MAPK10: variants seen among roughly 807,000 people sequenced by gnomAD.
MAPK10 encodes JNK3 alpha protein kinase.
MAPK10 carries 25 observed loss-of-function variants against 59.3 expected under a neutral mutation model. That is an observed-to-expected ratio of 0.42 (90% CI 0.31 to 0.59). The LOEUF (loss-of-function observed/expected upper bound fraction) is 0.59, where lower values mean the gene tolerates loss of function less well. Ranked by LOEUF, MAPK10 falls within the 20% of genes least tolerant of loss-of-function variation. MAPK10 has a pLI of 0.15. For missense variants in MAPK10, 351 were observed against 568.9 expected, an observed-to-expected ratio of 0.62 and a Z score of 3.90; for synonymous variants, 190 against 200.5, an observed-to-expected ratio of 0.95 and a Z score of 0.44.
chr4:86,592,519 A>G (rs1488334620), intron 1 of MAPK10, among the ~76,000 whole-genome samples: 2 of 152,250 alleles, frequency 1.3e-5, no homozygotes, highest in African/African-American at 4.8e-5. Context: ...TTTTCTTTCC[A>G]ATAAATACAT....
intron 1 of MAPK10, among the ~76,000 whole-genome samples, chr4:86,407,101 C>T (rs1412566635): frequency 2.6e-5 from 4 of 152,172 alleles, no homozygotes; most frequent in African/African-American, 9.7e-5. Flanking sequence ...ATCTGCCATA[C>T]AAGGTCATTC....
intron 9 of MAPK10, chr4:86,089,249 C>G: frequency 6.2e-7 from 1 of 1,612,882 alleles, no homozygotes; most frequent in Non-Finnish European, 8.5e-7. Context: ...TCATTTCTCC[C>G]ATGATGCACC....
intron 2 of MAPK10, among the ~76,000 whole-genome samples, chr4:86,343,063 CG>C (rs1725989148): frequency 6.6e-6 from 1 of 152,144 alleles, no homozygotes; most frequent in Non-Finnish European, 1.5e-5. Flanking sequence ...GCATAAGCCA[CG>C]CAAGCCTAAA....
At chr4:86,054,016 A>T (rs2044063846) in intron 11 of MAPK10, among the ~76,000 whole-genome samples, 1 of 152,168 alleles carries the variant, frequency 6.6e-6, no homozygotes, top group Non-Finnish European at 1.5e-5. Context: ...GATTAATAGC[A>T]CTCATGGTCT....
intron 1 of MAPK10, among the ~76,000 whole-genome samples, chr4:86,580,298 A>G (rs1762173423): frequency 6.6e-6 from 1 of 152,090 alleles, no homozygotes; most frequent in Non-Finnish European, 1.5e-5. Flanking sequence ...CAGGAGTTTG[A>G]GATCAGCCTG....
chr4:86,211,243 T>A (rs1421432595), intron 2 of MAPK10, among the ~76,000 whole-genome samples: 5 of 151,962 alleles, frequency 3.3e-5, no homozygotes, highest in Non-Finnish European at 5.9e-5. Flanking sequence ...AAATGCCAAG[T>A]TGGATGAATC....
At chr4:86,127,240 G>C (rs1337676963) in intron 4 of MAPK10, among the ~76,000 whole-genome samples, 1 of 147,262 alleles carries the variant, frequency 6.8e-6, no homozygotes, top group East Asian at 2.0e-4. Flanking sequence ...CTACTTGACT[G>C]TAAGCCCCAT....
chr4:86,355,070 A>C (rs192516944), intron 1 of MAPK10, among the ~76,000 whole-genome samples: 4 of 152,272 alleles, frequency 2.6e-5, no homozygotes, highest in Admixed American at 2.6e-4. Context: ...AAACCTCTGA[A>C]GTATGCAAAA....
At chr4:86,475,702 G>A (rs1392206192) in intron 1 of MAPK10, among the ~76,000 whole-genome samples, 3 of 151,998 alleles carry the variant, frequency 2.0e-5, no homozygotes, top group African/African-American at 4.8e-5. Context: ...TTTCTGGGGG[G>A]CAAGAACCTC....
chr4:86,018,020 G>C (rs1036530666), intron 13 of MAPK10, among the ~76,000 whole-genome samples: 1 of 152,094 alleles, frequency 6.6e-6, no homozygotes, highest in South Asian at 2.1e-4. Context: ...CACGCCCCGC[G>C]GGCATTTGCA....
chr4:86,332,634 A>T (rs1309118606), intron 2 of MAPK10: 2 of 152,192 alleles, frequency 1.3e-5, no homozygotes, highest in African/African-American at 4.8e-5. Context: ...CCCACAGAGA[A>T]ATAGGCCATT....
intron 2 of MAPK10, among the ~76,000 whole-genome samples, chr4:86,319,278 C>T (rs555371287): frequency 6.6e-6 from 1 of 151,954 alleles, no homozygotes; most frequent in East Asian, 1.9e-4. Context: ...CGTGCCGGGG[C>T]CAGAAGTGAA....
At chr4:86,562,399 T>C (rs747166900) in intron 1 of MAPK10, among the ~76,000 whole-genome samples, 1 of 152,150 alleles carries the variant, frequency 6.6e-6, no homozygotes, top group African/African-American at 2.4e-5. Flanking sequence ...CAATTTTACA[T>C]GCTGCTAGGC....
intron 1 of MAPK10, chr4:86,358,414 T>C: frequency 1.0e-6 from 1 of 974,774 alleles, no homozygotes; most frequent in Non-Finnish European, 1.2e-6. Context: ...CTATCCCATA[T>C]GACTTAGCCT....
At chr4:86,481,415 T>G (rs1579356945) in intron 1 of MAPK10, among the ~76,000 whole-genome samples, 1 of 147,630 alleles carries the variant, frequency 6.8e-6, no homozygotes. Flanking sequence ...TAACTGAAAG[T>G]TGTGAAAGTG....
intron 1 of MAPK10, chr4:86,358,900 A>G (rs1430370159): frequency 6.6e-6 from 1 of 152,114 alleles, no homozygotes; most frequent in African/African-American, 2.4e-5. Context: ...AAAAAAAGAA[A>G]GCTGACTGCT....
chr4:86,026,866 C>T (rs886307891), intron 13 of MAPK10: 46 of 152,240 alleles, frequency 3.0e-4, no homozygotes, highest in African/African-American at 1.1e-3. Context: ...CACAGTGGTG[C>T]GCCAATAAAA....
intron 1 of MAPK10, among the ~76,000 whole-genome samples, chr4:86,423,794 T>TATATATATATAC (rs1746886471): frequency 6.8e-6 from 1 of 146,978 alleles, no homozygotes; most frequent in African/African-American, 2.5e-5. Context: ...TATATATATA[T>TATATATATATAC]ATGTTTAGGA....
intron 2 of MAPK10, among the ~76,000 whole-genome samples, chr4:86,279,186 A>G (rs1442305919): frequency 6.6e-6 from 1 of 152,208 alleles, no homozygotes; most frequent in East Asian, 1.9e-4. Context: ...ACATAAATTT[A>G]TAGTATATGG....
Sources: gnomAD v4.1 joint callset for allele counts (sites outside exome capture counted in the v4.1 genomes callset) on GRCh38, gnomAD v4.1.1 for gene constraint, MANE v1.5 for transcripts, NCBI Gene and HGNC (gene_info 2026-07-23, HGNC 2026-07-21) for gene names.